LDB2: variants seen among roughly 807,000 people sequenced by gnomAD.
LDB2 encodes LIM domain binding 2, also known as LIM domain-binding protein 2.
Under a neutral mutation model 44.3 loss-of-function variants are expected in LDB2, and 12 were observed. The ratio of observed to expected loss-of-function variants is 0.27; its 90% CI spans 0.17 to 0.44. The LOEUF (loss-of-function observed/expected upper bound fraction) is 0.44, where lower values mean the gene tolerates loss of function less well. Ranked by LOEUF, LDB2 falls within the 20% of genes least tolerant of loss-of-function variation. The pLI is 1.00. For missense variants in LDB2, 344 were observed against 473.5 expected (o/e 0.73, Z 2.54); for synonymous variants, 164 against 174.8 (o/e 0.94, Z 0.49).
At chr4:16,862,280 AAGG>A (rs1341758320) in intron 1 of LDB2, among the ~76,000 whole-genome samples, 1 of 151,486 alleles carries the variant, frequency 6.6e-6, no homozygotes, top group Non-Finnish European at 1.5e-5. Context: ...AAATATTTGG[AAGG>A]AGAAGCCCAA....
At chr4:16,639,438 CAG>C (rs1734543488) in intron 2 of LDB2, among the ~76,000 whole-genome samples, 1 of 152,092 alleles carries the variant, frequency 6.6e-6, no homozygotes. Flanking sequence ...TGAAAGAAAA[CAG>C]GGGAATCTGA....
At chr4:16,545,954 A>G (rs2152336018) in intron 5 of LDB2, among the ~76,000 whole-genome samples, 1 of 152,360 alleles carries the variant, frequency 6.6e-6, no homozygotes, top group East Asian at 1.9e-4. Context: ...TGAAATTTCC[A>G]AGAGCCAAAT....
chr4:16,713,579 G>C (rs1424229259), intron 2 of LDB2, among the ~76,000 whole-genome samples: 4 of 152,136 alleles, frequency 2.6e-5, no homozygotes, highest in African/African-American at 9.7e-5. Context: ...GTGAATCATT[G>C]TGTAGTCTTC....
At chr4:16,684,575 G>A (rs1748747518) in intron 2 of LDB2, among the ~76,000 whole-genome samples, 1 of 152,176 alleles carries the variant, frequency 6.6e-6, no homozygotes. Flanking sequence ...AAAACACTTT[G>A]AAAAGGTGGT....
chr4:16,703,469 AG>A (rs1354516872), intron 2 of LDB2, among the ~76,000 whole-genome samples: 1 of 152,196 alleles, frequency 6.6e-6, no homozygotes, highest in Non-Finnish European at 1.5e-5. Context: ...TTTTTATCCA[AG>A]GGTAATCTCA....
chr4:16,595,836 A>G lies in LDB2; in HGVS notation c.275T>C (p.Val92Ala). The G allele has an allele frequency of 6.2e-7, 1 of 1,613,652 alleles. No homozygotes were observed. The highest frequency in any genetic ancestry group is 8.5e-7 in the Non-Finnish European group (1 of 1,179,782). The stretch of plus-strand genomic sequence containing the variant: ...CAGGTCGGTCACCCCTCCTTCAAAC[A>G]CAGTGCTAAAGTAACGGGGGATGAG... ...RTLIPRYFST[V>A]FEGGVTDLYY... The change falls in exon 3 of 8, where the codon GTG becomes GCG. Residue 92 changes from valine to alanine, a missense_variant. By Grantham distance (64) the Val-to-Ala change is moderately conservative (BLOSUM62 0). Around this residue, in one of 3 missense-constraint regions of LDB2, gnomAD observed 226 missense variants for 270.1 expected, o/e 0.84. Coordinates refer to ENST00000304523, the MANE Select transcript of LDB2 (RefSeq NM_001290.5).
rs1577711989 is a variant in LDB2, at chr4:16,560,100, C to T, written c.615+25822G>A. Among the ~76,000 whole-genome samples, 4 of 152,116 alleles carry T rather than the reference C, an allele frequency of 2.6e-5. No individual in the cohort carries two copies. In the East Asian group the frequency reaches 5.8e-4, roughly 22 times the overall value. On this transcript the variant is annotated intron_variant, in intron 5 of 7. Coordinates refer to ENST00000304523, the MANE Select transcript of LDB2 (RefSeq NM_001290.5). Reference sequence around the variant, plus strand: ...AGGGAAATTTATAGCACTAAATGCCCACAAGAGAAAGCAGGAAAGATCCAA... The same window carrying T: ...AGGGAAATTTATAGCACTAAATGCCTACAAGAGAAAGCAGGAAAGATCCAA...
In LDB2 at chr4:16,554,345, C is replaced by T. The variant is rs191104305; in HGVS notation, c.615+31577G>A. Reference sequence around the variant, plus strand: ...GATTACAGGTGTGAGCCACTGCGCCCGGCCAGCCGAAATGGTTTTTGAAAC... The same window carrying T: ...GATTACAGGTGTGAGCCACTGCGCCTGGCCAGCCGAAATGGTTTTTGAAAC... On this transcript the variant is annotated intron_variant, in intron 5 of 7. Transcript: ENST00000304523. Among the ~76,000 whole-genome samples the T allele has an allele frequency of 1.8e-3, 276 of 152,266 alleles. 2 individuals carry two copies. The highest frequency in any genetic ancestry group is 6.2e-3 in the African/African-American group (257 of 41,552).
intron 2 of LDB2, among the ~76,000 whole-genome samples, chr4:16,719,905 A>C (rs116097936): frequency 0.011 from 1,632 of 152,306 alleles, 39 homozygotes; most frequent in African/African-American, 0.037. Flanking sequence ...GAGGAAACTG[A>C]AATCTAATGA....
chr4:16,515,905 C>T (rs1420618953), intron 5 of LDB2, among the ~76,000 whole-genome samples: 1 of 151,752 alleles, frequency 6.6e-6, no homozygotes, highest in Non-Finnish European at 1.5e-5. Flanking sequence ...GCTCTGTCGC[C>T]CAGGCTGGAG....
Position 16,898,428 on chromosome 4 carries a change from T to G in LDB2, c.58A>C (p.Arg20=), listed in dbSNP as rs1043306804. Residue 20 remains arginine, a synonymous_variant, in exon 1 of 8, where the codon AGG becomes CGG. Coordinates refer to ENST00000304523, the MANE Select transcript of LDB2 (RefSeq NM_001290.5). ...YSSPFGPFYR[R]HTPYMVQPEY... is the part of the protein sequence containing the mutation. ...GGCTGTACCATGTATGGTGTATGCC[T>G]CCTATAAAATGGGCCGAAAGGAGAA... 10 of 1,613,660 alleles carry G rather than the reference T, an allele frequency of 6.2e-6. No individual in the cohort carries two copies. The highest frequency in any genetic ancestry group is 6.8e-6 in the Non-Finnish European group (8 of 1,179,902).
intron 2 of LDB2, among the ~76,000 whole-genome samples, chr4:16,606,302 A>G (rs1461764582): frequency 6.6e-6 from 1 of 152,206 alleles, no homozygotes; most frequent in Non-Finnish European, 1.5e-5. Flanking sequence ...AATTATCTAG[A>G]TATTCCCATG....
intron 7 of LDB2, chr4:16,505,929 C>T: frequency 6.4e-7 from 1 of 1,551,670 alleles, no homozygotes. Context: ...TTGAATGACA[C>T]AGGTCTCCAT....
intron 2 of LDB2, among the ~76,000 whole-genome samples, chr4:16,637,181 G>C (rs571665927): frequency 6.6e-6 from 1 of 151,914 alleles, no homozygotes; most frequent in Non-Finnish European, 1.5e-5. Flanking sequence ...CTTTTGTGGA[G>C]TCTAAAGGAA....
chr4:16,516,373 A>G (rs1222897722), intron 5 of LDB2, among the ~76,000 whole-genome samples: 1 of 152,206 alleles, frequency 6.6e-6, no homozygotes, highest in Admixed American at 6.5e-5. Context: ...TACAAACTAC[A>G]TTTCTATTAC....
chr4:16,873,774 T>C (rs1182469689), intron 1 of LDB2, among the ~76,000 whole-genome samples: 2 of 152,202 alleles, frequency 1.3e-5, no homozygotes, highest in African/African-American at 4.8e-5. Flanking sequence ...TCATGTGTTT[T>C]AATTTTTAGT....
At chr4:16,665,409 G>C (rs1012185842) in intron 2 of LDB2, among the ~76,000 whole-genome samples, 1 of 151,888 alleles carries the variant, frequency 6.6e-6, no homozygotes, top group Admixed American at 6.6e-5. Context: ...GGGACTACAG[G>C]TGTGTCCCAC....
chr4:16,880,365 T>C (rs2110424937), intron 1 of LDB2, among the ~76,000 whole-genome samples: 1 of 152,254 alleles, frequency 6.6e-6, no homozygotes. Flanking sequence ...CAGAGCACTT[T>C]GCTAAGCCCC....
intron 2 of LDB2, among the ~76,000 whole-genome samples, chr4:16,713,262 T>G (rs1423845494): frequency 1.3e-5 from 2 of 152,216 alleles, no homozygotes; most frequent in Non-Finnish European, 2.9e-5. Flanking sequence ...CGAATTGTGG[T>G]GCTAGTTGCA....
Sources: gnomAD v4.1 joint callset for allele counts (sites outside exome capture counted in the v4.1 genomes callset) on GRCh38, gnomAD v4.1.1 for gene constraint, gnomAD v4.1.1 regional missense constraint, MANE v1.5 for transcripts, NCBI Gene and HGNC (gene_info 2026-07-23, HGNC 2026-07-21) for gene names.